The following TTC28 variants were observed in gnomAD, a reference collection of about 807,000 sequenced individuals.
TTC28 encodes tetratricopeptide repeat domain 28.
Under a neutral mutation model 198.0 loss-of-function variants are expected in TTC28, and 61 were observed. That is an observed-to-expected ratio of 0.31 (90% confidence interval 0.25 to 0.38). TTC28 has a LOEUF of 0.38. TTC28 is among the 10% of genes least tolerant of loss of function. The probability of loss-of-function intolerance (pLI) is 1.00; values close to 1 mark genes in which losing one functional copy is unlikely to be tolerated. For missense variants in TTC28, 2,678 were observed against 3,164.0 expected, an observed-to-expected ratio of 0.85 and a Z score of 3.69; for synonymous variants, 1,171 against 1,297.8, an observed-to-expected ratio of 0.90 and a Z score of 2.10.
At chr22:28,515,164 T>C (rs1568991223) in intron 2 of TTC28, among the ~76,000 whole-genome samples, 1 of 152,166 alleles carries the variant, frequency 6.6e-6, no homozygotes, top group African/African-American at 2.4e-5. Flanking sequence ...AATTATGAAA[T>C]AAAAATCAAA....
intron 5 of TTC28, among the ~76,000 whole-genome samples, chr22:28,196,743 A>G (rs2147141911): frequency 6.6e-6 from 1 of 151,774 alleles, no homozygotes; most frequent in Non-Finnish European, 1.5e-5. Context: ...ACCAGTTAGT[A>G]TGGCGATCAT....
intron 2 of TTC28, among the ~76,000 whole-genome samples, chr22:28,389,768 T>C (rs2046683175): frequency 6.7e-6 from 1 of 149,436 alleles, no homozygotes; most frequent in Non-Finnish European, 1.5e-5. Context: ...GGTCTATCAA[T>C]TTTGTTGATC....
chr22:28,252,519 C>A (rs1486074157), intron 5 of TTC28, among the ~76,000 whole-genome samples: 5 of 152,328 alleles, frequency 3.3e-5, no homozygotes, highest in Middle Eastern at 3.4e-3. Flanking sequence ...AATGAAACAA[C>A]TGAAACCAGA....
intron 2 of TTC28, among the ~76,000 whole-genome samples, chr22:28,556,433 C>T (rs751948005): frequency 6.6e-6 from 1 of 152,202 alleles, no homozygotes; most frequent in African/African-American, 2.4e-5. Flanking sequence ...CCAACTGATA[C>T]TTTCCTCCAC....
chr22:28,507,724 A>C (rs1437811403), intron 2 of TTC28, among the ~76,000 whole-genome samples: 2 of 152,228 alleles, frequency 1.3e-5, no homozygotes, highest in African/African-American at 2.4e-5. Context: ...TGTAAACCCT[A>C]TAAGCCAGAA....
intron 6 of TTC28, among the ~76,000 whole-genome samples, chr22:28,129,451 A>G (rs1402857317): frequency 1.3e-5 from 2 of 152,206 alleles, no homozygotes; most frequent in African/African-American, 2.4e-5. Context: ...AGATGTTCTC[A>G]AACACTTGCA....
At chr22:28,483,859 C>A (rs2048283740) in intron 2 of TTC28, among the ~76,000 whole-genome samples, 1 of 152,188 alleles carries the variant, frequency 6.6e-6, no homozygotes, top group Non-Finnish European at 1.5e-5. Flanking sequence ...TCCTGCTTTA[C>A]CACCTTGGGC....
At chr22:28,173,598 A>G (rs964370053) in intron 5 of TTC28, among the ~76,000 whole-genome samples, 2 of 152,380 alleles carry the variant, frequency 1.3e-5, no homozygotes, top group South Asian at 2.1e-4. Flanking sequence ...ATTTAGGCGC[A>G]TAAGAGTCAG....
intron 2 of TTC28, among the ~76,000 whole-genome samples, chr22:28,391,270 T>C (rs1204750373): frequency 1.3e-5 from 2 of 152,198 alleles, no homozygotes; most frequent in Non-Finnish European, 2.9e-5. Context: ...TGGCTGTCCT[T>C]AACATTTTTT....
chr22:28,266,102 C>G (rs576395664), intron 5 of TTC28, among the ~76,000 whole-genome samples: 173 of 151,554 alleles, frequency 1.1e-3, no homozygotes, highest in Non-Finnish European at 2.2e-3. Flanking sequence ...ATCACATGAA[C>G]CTGGGAGGCG....
In TTC28 at chr22:27,979,138, C is replaced by T. The variant is rs933393661; in HGVS notation, c.*3083G>A. 1.3e-5 allele frequency: 2 copies of T among 152,154 alleles called. No homozygotes were observed. Among genetic ancestry groups the T allele is most frequent in the African/African-American group, 4.8e-5 (2 of 41,442 alleles). The allele number at this position is 152,154 out of a possible 1,614,324, so 9.4% of individuals were successfully genotyped here. ...CTTTTCCTAGACTGGAGAAACAAAA[C>T]GTTATTCCATTTTCTGTCATCCATA... is the stretch of plus-strand genomic sequence containing the variant. On this transcript the variant is annotated 3_prime_UTR_variant, in exon 23 of 23. Coordinates refer to ENST00000397906, the MANE Select transcript of TTC28 (RefSeq NM_001145418.2).
chr22:28,282,382 T>G (rs904420786), intron 5 of TTC28, among the ~76,000 whole-genome samples: 1 of 152,172 alleles, frequency 6.6e-6, no homozygotes, highest in African/African-American at 2.4e-5. Context: ...AAAGAGTCAA[T>G]GTACAAAAGA....
intron 2 of TTC28, among the ~76,000 whole-genome samples, chr22:28,349,256 T>A (rs2045954573): frequency 6.6e-6 from 1 of 152,204 alleles, no homozygotes; most frequent in Admixed American, 6.5e-5. Context: ...TTTTTCAGCC[T>A]GCTAAATTGA....
intron 13 of TTC28, among the ~76,000 whole-genome samples, chr22:28,017,262 G>A (rs1234530327): frequency 1.3e-5 from 2 of 152,220 alleles, no homozygotes; most frequent in African/African-American, 4.8e-5. Context: ...TATTGAAAAT[G>A]CCATGAGTGC....
chr22:28,624,377 C>CA (rs879851127), intron 2 of TTC28, among the ~76,000 whole-genome samples: 180 of 135,016 alleles, frequency 1.3e-3, no homozygotes, highest in South Asian at 2.8e-3. Flanking sequence ...GACTCTGTCT[C>CA]AAAAAAAAAA....
chr22:28,636,127 ATTTTTTTTTTTTT>A (rs71316851), intron 1 of TTC28, among the ~76,000 whole-genome samples: 1 of 65,736 alleles, frequency 1.5e-5, no homozygotes, highest in Non-Finnish European at 2.6e-5. Context: ...AAATGTCAGG[ATTTTTTTTTTTTT>A]TTTTTTTTTT....
chr22:28,263,483 TTAATTA>T (rs1424181861), intron 5 of TTC28, among the ~76,000 whole-genome samples: 1 of 152,184 alleles, frequency 6.6e-6, no homozygotes, highest in African/African-American at 2.4e-5. Flanking sequence ...ATTGCTTTCT[TTAATTA>T]TAAACATTCA....
At chr22:28,220,346 G>A (rs1162457873) in intron 5 of TTC28, among the ~76,000 whole-genome samples, 6 of 152,206 alleles carry the variant, frequency 3.9e-5, no homozygotes, top group Admixed American at 6.5e-5. Flanking sequence ...TCACAGTTCT[G>A]TGAGTAAGGA....
chr22:28,657,851 C>A (rs954197523), intron 1 of TTC28, among the ~76,000 whole-genome samples: 1 of 151,972 alleles, frequency 6.6e-6, no homozygotes, highest in Admixed American at 6.6e-5. Flanking sequence ...TGCACTCGAA[C>A]CTGGGCGGGC....
Sources: gnomAD v4.1 joint callset for allele counts (sites outside exome capture counted in the v4.1 genomes callset) on GRCh38, gnomAD v4.1.1 for gene constraint, MANE v1.5 for transcripts, NCBI Gene and HGNC (gene_info 2026-07-23, HGNC 2026-07-21) for gene names.